The following CBL variants were observed in gnomAD, a reference collection of about 807,000 sequenced individuals.
CBL encodes Cbl proto-oncogene.
CBL carries 45 observed loss-of-function variants against 96.9 expected under a neutral mutation model. That is an observed-to-expected ratio of 0.46 (90% CI 0.37 to 0.60). The LOEUF (loss-of-function observed/expected upper bound fraction) is 0.60. Among genes scored for constraint, CBL ranks in the 20% least tolerant of loss-of-function variants. The probability of loss-of-function intolerance (pLI) is 0.00; values close to 1 mark genes in which losing one functional copy is unlikely to be tolerated. For synonymous variants in CBL, 420 were observed against 426.8 expected (o/e 0.98, Z 0.20); for missense variants, 1,024 against 1,143.5 (o/e 0.90, Z 1.51).
intron 1 of CBL, among the ~76,000 whole-genome samples, chr11:119,207,402 A>G (rs1397676100): frequency 3.3e-5 from 5 of 152,118 alleles, no homozygotes; most frequent in Admixed American, 6.6e-5. Context: ...CTTCCTCCCT[A>G]CTACATCGCT....
At chr11:119,244,352 T>G (rs890096519) in intron 2 of CBL, among the ~76,000 whole-genome samples, 1 of 152,176 alleles carries the variant, frequency 6.6e-6, no homozygotes, top group Non-Finnish European at 1.5e-5. Flanking sequence ...ATCTGTTTTC[T>G]TAGAAATTCT....
At chr11:119,278,821 A>G in intron 9 of CBL, 108 bp downstream of exon 9, 1 of 837,760 alleles carries the variant, frequency 1.2e-6, no homozygotes, top group South Asian at 1.4e-5. Flanking sequence ...ATTAATAGCT[A>G]ATATTTATTG....
intron 2 of CBL, among the ~76,000 whole-genome samples, chr11:119,269,346 C>A (rs1281883737): frequency 6.8e-6 from 1 of 147,806 alleles, no homozygotes. Flanking sequence ...TCAGCCTCTT[C>A]AGTAGCTGGG....
chr11:119,281,448 T>C (rs1483151236), intron 9 of CBL, among the ~76,000 whole-genome samples: 1 of 152,002 alleles, frequency 6.6e-6, no homozygotes, highest in African/African-American at 2.4e-5. Flanking sequence ...TAGCTTCTAA[T>C]GTATTTTTGC....
chr11:119,281,042 C>T (rs139243462), intron 9 of CBL, among the ~76,000 whole-genome samples: 20 of 152,314 alleles, frequency 1.3e-4, no homozygotes, highest in African/African-American at 4.3e-4. Flanking sequence ...CAAACATCCT[C>T]TCAATATAGT....
At chr11:119,261,605 T>C (rs1001598630) in intron 2 of CBL, among the ~76,000 whole-genome samples, 2 of 152,230 alleles carry the variant, frequency 1.3e-5, no homozygotes, top group African/African-American at 4.8e-5. Flanking sequence ...ATCTTACTGA[T>C]ATGTTTGTAT....
At chr11:119,221,376 A>AC (rs1000488601) in intron 1 of CBL, among the ~76,000 whole-genome samples, 5 of 152,036 alleles carry the variant, frequency 3.3e-5, no homozygotes, top group Admixed American at 2.0e-4. Flanking sequence ...ACATAGTGAG[A>AC]CCCCATCTCT....
chr11:119,272,389 G>C (rs1949856140), intron 3 of CBL, among the ~76,000 whole-genome samples: 1 of 152,174 alleles, frequency 6.6e-6, no homozygotes, highest in African/African-American at 2.4e-5. Context: ...CAAAGTGCTG[G>C]GATTACAGGC....
intron 12 of CBL, among the ~76,000 whole-genome samples, chr11:119,293,322 G>T (rs1950042315): frequency 6.6e-6 from 1 of 152,044 alleles, no homozygotes; most frequent in Non-Finnish European, 1.5e-5. Context: ...TGGCCAGGCT[G>T]GTCTTGAACT....
chr11:119,285,470 C>T lies in CBL; in HGVS notation c.1845C>T (p.Thr615=). ...ATCCCTGGACAGGAAGAGAATTAAC[C>T]AACCGGCACTCACTTCCATTTTCAT... ...SSDPWTGREL[T]NRHSLPFSLP... is the part of the protein sequence containing the mutation. The change falls in exon 11 of 16, where the codon ACC becomes ACT. Residue 615 remains threonine, a synonymous_variant. Transcript: ENST00000264033. The T allele has an allele frequency of 6.2e-7, 1 of 1,614,134 alleles. No homozygotes were observed. The highest frequency in any genetic ancestry group is 8.5e-7 in the Non-Finnish European group (1 of 1,179,988).
chr11:119,272,265 G>A (rs1479676188), intron 3 of CBL, among the ~76,000 whole-genome samples: 1 of 152,096 alleles, frequency 6.6e-6, no homozygotes, highest in African/African-American at 2.4e-5. Context: ...GGGACTATAG[G>A]TGCCTGCCAC....
chr11:119,238,095 C>T (rs1949558680), intron 2 of CBL, among the ~76,000 whole-genome samples: 1 of 152,042 alleles, frequency 6.6e-6, no homozygotes, highest in Non-Finnish European at 1.5e-5. Context: ...TGGTCTTGAA[C>T]TCCTGACCTC....
intron 2 of CBL, among the ~76,000 whole-genome samples, chr11:119,241,007 A>C (rs1038386032): frequency 6.6e-6 from 1 of 152,132 alleles, no homozygotes; most frequent in Non-Finnish European, 1.5e-5. Context: ...TGGGAGGTGG[A>C]GGTTGCAGAG....
rs398017760 is a variant in CBL at position 119,283,625 on chromosome 11, C to CTTTTTTTTTTTTTTTTTT, written c.1432-1331_1432-1314dup. On this transcript the variant is annotated intron_variant, in intron 9 of 15. Coordinates refer to ENST00000264033, the MANE Select transcript of CBL (RefSeq NM_005188.4). ...AAATATTAATCCTTTTTAATTCTTT[C>CTTTTTTTTTTTTTTTTTT]TTTTTTTTTTTTTTTTTTTTTTTTT... 9.4e-4 allele frequency among the ~76,000 whole-genome samples: 43 copies of CTTTTTTTTTTTTTTTTTT among 45,526 alleles called. 8 individuals carry two copies. The highest frequency in any genetic ancestry group is 4.8e-3 in the East Asian group (7 of 1,472). 29.9% of individuals were successfully genotyped at this position (45,526 alleles called of 152,430 possible).
At chr11:119,226,562 A>G (rs907658724) in intron 1 of CBL, among the ~76,000 whole-genome samples, 2 of 152,108 alleles carry the variant, frequency 1.3e-5, no homozygotes, top group East Asian at 1.9e-4. Flanking sequence ...GGTTCAAGCA[A>G]TTCTCTTGCC....
At chr11:119,220,860 T>A (rs1050301215) in intron 1 of CBL, among the ~76,000 whole-genome samples, 5 of 152,198 alleles carry the variant, frequency 3.3e-5, no homozygotes, top group Non-Finnish European at 7.3e-5. Context: ...TAAGGCGTTT[T>A]TCAAATTATT....
Position 119,278,697 on chromosome 11 carries a change from A to G in CBL, c.1415A>G (p.Glu472Gly), listed in dbSNP as rs1949909582. The G allele has an allele frequency of 6.2e-7, 1 of 1,614,018 alleles. No individual in the cohort carries two copies. The highest frequency in any genetic ancestry group is 8.5e-7 in the Non-Finnish European group (1 of 1,180,026). ...RADDTLFMMK[E>G]LAGAKVERPP... is the part of the protein sequence containing the mutation. Reference sequence around the variant, plus strand: ...GATGATACTCTCTTCATGATGAAGGAATTGGCTGGTGCCAAGGTAAGATGG... The same window carrying G: ...GATGATACTCTCTTCATGATGAAGGGATTGGCTGGTGCCAAGGTAAGATGG... Residue 472 changes from glutamate (E) to glycine (G), a missense_variant, in exon 9 of 16, where the codon GAA (glutamate) becomes GGA (glycine). Around this residue, in one of 4 missense-constraint regions of CBL, gnomAD observed 695 missense variants for 661.6 expected, o/e 1.05. Coordinates refer to ENST00000264033, the MANE Select transcript of CBL (RefSeq NM_005188.4).
chr11:119,237,959 C>T (rs1359138474), intron 2 of CBL, among the ~76,000 whole-genome samples: 3 of 151,860 alleles, frequency 2.0e-5, no homozygotes, highest in African/African-American at 7.3e-5. Flanking sequence ...GCAACCTCTT[C>T]TTGCCAGGTT....
At chr11:119,297,075 G>T in intron 13 of CBL, 41 bp downstream of exon 13, 1 of 1,006,686 alleles carries the variant, frequency 9.9e-7, no homozygotes. Context: ...ATACCTTTAT[G>T]TGGGTAATTG....
Sources: gnomAD v4.1 joint callset for allele counts (sites outside exome capture counted in the v4.1 genomes callset) on GRCh38, gnomAD v4.1.1 for gene constraint, gnomAD v4.1.1 regional missense constraint, MANE v1.5 for transcripts, NCBI Gene and HGNC (gene_info 2026-07-23, HGNC 2026-07-21) for gene names.